Variants in C2orf66 observed in about 807,000 individuals in gnomAD.
C2orf66 encodes the protein uncharacterized protein C2orf66.
In C2orf66, 6 loss-of-function variants were observed where a neutral mutation model predicts 7.0. The ratio of observed to expected loss-of-function variants is 0.86; its 90% CI spans 0.47 to 1.69. The LOEUF is 1.69. Among genes scored for constraint, C2orf66 ranks in the 40% most tolerant of loss-of-function variants. The probability of loss-of-function intolerance (pLI) is 0.01; values close to 1 mark genes in which losing one functional copy is unlikely to be tolerated. For synonymous variants in C2orf66, 38 were observed against 43.8 expected (o/e 0.87, Z 0.52); for missense variants, 107 against 112.0 (o/e 0.96, Z 0.20).
chr2:196,812,289 A>G (rs941123257), upstream of C2orf66, among the ~76,000 whole-genome samples: 7 of 152,230 alleles, frequency 4.6e-5, no homozygotes, highest in Non-Finnish European at 1.0e-4. Context: ...GCAAATCAAT[A>G]TATGTAATCC....
At chr2:196,824,527 T>A in the C2orf66 span, among the ~76,000 whole-genome samples, 3 of 152,224 alleles carry the variant, frequency 2.0e-5, no homozygotes, top group Non-Finnish European at 4.4e-5. Context: ...TATTTGGTAC[T>A]TAAATGTCTT....
chr2:196,823,381 G>A, the C2orf66 span, among the ~76,000 whole-genome samples: 1 of 152,156 alleles, frequency 6.6e-6, no homozygotes, highest in African/African-American at 2.4e-5. Flanking sequence ...CTAGCACTTT[G>A]GGAGGCTGAG....
the C2orf66 span, among the ~76,000 whole-genome samples, chr2:196,829,313 T>C: frequency 1.3e-5 from 2 of 152,156 alleles, no homozygotes; most frequent in East Asian, 1.9e-4. Context: ...AAAATGTACT[T>C]CTTTGGGTAT....
At chr2:196,818,314 G>A in the C2orf66 span, among the ~76,000 whole-genome samples, 1 of 152,142 alleles carries the variant, frequency 6.6e-6, no homozygotes, top group Non-Finnish European at 1.5e-5. Context: ...CCCAGGCCAA[G>A]CAAGGTTGCC....
the C2orf66 span, among the ~76,000 whole-genome samples, chr2:196,822,937 T>C: frequency 1.1e-4 from 17 of 151,286 alleles, no homozygotes; most frequent in East Asian, 2.7e-3. Flanking sequence ...TAAGTAGGGA[T>C]AAATTACCCT....
chr2:196,822,800 A>T, the C2orf66 span, among the ~76,000 whole-genome samples: 2 of 152,226 alleles, frequency 1.3e-5, no homozygotes, highest in Admixed American at 6.5e-5. Flanking sequence ...TGTTTTAACA[A>T]CAACAAAAAT....
chr2:196,827,238 CAA>C, the C2orf66 span, among the ~76,000 whole-genome samples: 27 of 40,536 alleles, frequency 6.7e-4, no homozygotes, highest in African/African-American at 1.7e-3. Flanking sequence ...GATTCTGTCT[CAA>C]AAAAAAAAAA....
At chr2:196,810,688 C>G (rs2125759031), upstream of C2orf66, among the ~76,000 whole-genome samples, 1 of 152,136 alleles carries the variant, frequency 6.6e-6, no homozygotes, top group East Asian at 1.9e-4. Context: ...ATTAGCAAAC[C>G]TGGCTATAGT....
chr2:196,818,663 T>C, the C2orf66 span, among the ~76,000 whole-genome samples: 1 of 152,134 alleles, frequency 6.6e-6, no homozygotes, highest in Non-Finnish European at 1.5e-5. Flanking sequence ...AAACTAGACA[T>C]CCGGATTCAC....
At chr2:196,827,016 G>C in the C2orf66 span, among the ~76,000 whole-genome samples, 20 of 151,152 alleles carry the variant, frequency 1.3e-4, no homozygotes, top group Admixed American at 7.2e-4. Context: ...TGACGACAGA[G>C]GGAGGACTCT....
chr2:196,818,773 T>C, the C2orf66 span, among the ~76,000 whole-genome samples: 1 of 152,152 alleles, frequency 6.6e-6, no homozygotes, highest in Non-Finnish European at 1.5e-5. Flanking sequence ...AGGAGTAAAA[T>C]ATTTTTCCTA....
At chr2:196,813,336 C>T (rs62185628), upstream of C2orf66, among the ~76,000 whole-genome samples, 18,868 of 152,084 alleles carry the variant, frequency 0.12, 1,180 homozygotes, top group Non-Finnish European at 0.14. Context: ...GAAAGGATCC[C>T]CTATTTAATA....
the C2orf66 span, among the ~76,000 whole-genome samples, chr2:196,821,924 T>C: frequency 1.5e-5 from 2 of 129,060 alleles, no homozygotes; most frequent in African/African-American, 5.7e-5. Context: ...ATAGAACCAG[T>C]GAGCTTTTTT....
At chr2:196,825,875 T>C in the C2orf66 span, among the ~76,000 whole-genome samples, 1 of 152,202 alleles carries the variant, frequency 6.6e-6, no homozygotes, top group African/African-American at 2.4e-5. Context: ...TTCTACAGCA[T>C]ACAGGAAGAC....
At chr2:196,816,645 A>G in the C2orf66 span, among the ~76,000 whole-genome samples, 536 of 152,306 alleles carry the variant, frequency 3.5e-3, 6 homozygotes, top group African/African-American at 0.012. Context: ...CCTCTGCATC[A>G]CGCAATATAC....
chr2:196,821,794 G>A, the C2orf66 span, among the ~76,000 whole-genome samples: 1 of 152,008 alleles, frequency 6.6e-6, no homozygotes, highest in Non-Finnish European at 1.5e-5. Flanking sequence ...GATAAAAGGA[G>A]TAGTTTTAGA....
the C2orf66 span, among the ~76,000 whole-genome samples, chr2:196,822,145 C>T: frequency 1.6e-4 from 24 of 151,664 alleles, no homozygotes; most frequent in Middle Eastern, 3.4e-3. Context: ...GATCTCCTGA[C>T]CTCAAAATCT....
upstream of C2orf66, among the ~76,000 whole-genome samples, chr2:196,811,603 G>A (rs1241621960): frequency 2.0e-5 from 3 of 152,152 alleles, no homozygotes; most frequent in Non-Finnish European, 4.4e-5. Flanking sequence ...ATCAAACCGA[G>A]GCATGGAGGA....
chr2:196,829,636 A>G, the C2orf66 span, among the ~76,000 whole-genome samples: 82 of 151,682 alleles, frequency 5.4e-4, no homozygotes, highest in African/African-American at 1.6e-3. Flanking sequence ...AGTGGCTCAC[A>G]CCTGTAATCC....
Sources: allele counts gnomAD v4.1 joint callset (sites outside exome capture counted in the v4.1 genomes callset), GRCh38; gene constraint gnomAD v4.1.1; transcripts MANE v1.5; gene names NCBI Gene and HGNC (gene_info 2026-07-23, HGNC 2026-07-21).